The following RDX variants were observed in gnomAD, a reference collection of about 807,000 sequenced individuals.
RDX encodes deafness, autosomal recessive 24.
RDX carries 32 observed loss-of-function variants against 83.7 expected under a neutral mutation model. The ratio of observed to expected loss-of-function variants is 0.38; its 90% CI spans 0.29 to 0.51. The LOEUF is 0.51. RDX is among the 20% of genes least tolerant of loss of function. The pLI is 0.87. For synonymous variants in RDX, 229 were observed against 222.7 expected, an observed-to-expected ratio of 1.03 and a Z score of -0.25; for missense variants, 600 against 689.9, an observed-to-expected ratio of 0.87 and a Z score of 1.46.
chr11:110,282,896 G>A (rs1042978422), intron 1 of RDX, among the ~76,000 whole-genome samples: 1 of 152,146 alleles, frequency 6.6e-6, no homozygotes, highest in East Asian at 1.9e-4. Flanking sequence ...AAGATCACTT[G>A]AGCCCAGAAG....
chr11:110,224,991 C>T (rs1421365576), downstream of RDX, among the ~76,000 whole-genome samples: 1 of 152,176 alleles, frequency 6.6e-6, no homozygotes, highest in Non-Finnish European at 1.5e-5. Flanking sequence ...CAAATTAAAA[C>T]ATCTAAACAT....
intron 15 of RDX, among the ~76,000 whole-genome samples, chr11:110,186,025 A>C (rs1000980657): frequency 6.6e-6 from 1 of 152,154 alleles, no homozygotes; most frequent in African/African-American, 2.4e-5. Context: ...TGCATTTCCT[A>C]AGTATTAGTG....
At chr11:110,253,577 A>G (rs1246323195) in intron 9 of RDX, among the ~76,000 whole-genome samples, 1 of 152,188 alleles carries the variant, frequency 6.6e-6, no homozygotes, top group Non-Finnish European at 1.5e-5. Flanking sequence ...TGTGTTCTAC[A>G]ATGTCACTGA....
intron 15 of RDX, among the ~76,000 whole-genome samples, chr11:110,190,783 C>T (rs1443803382): frequency 6.6e-6 from 1 of 152,160 alleles, no homozygotes; most frequent in Non-Finnish European, 1.5e-5. Context: ...CACAGAAATA[C>T]AAAAGATCTT....
rs757847253 is a variant in RDX at position 110,272,527 on chromosome 11, G to A, written c.96+9C>T. ...TGTCAAAAGTTGCATATTTCATGCAGTGTAATACCTGGTCAAAAAGTTGTT... is the reference window on the plus strand; with the variant it reads ...TGTCAAAAGTTGCATATTTCATGCAATGTAATACCTGGTCAAAAAGTTGTT... On this transcript the variant is annotated intron_variant, in intron 3 of 13. Transcript: ENST00000645495. 6.3e-7 allele frequency: 1 copy of A among 1,584,640 alleles called. No homozygotes were observed. The highest frequency in any genetic ancestry group is 2.2e-5 in the East Asian group (1 of 44,670).
intron 9 of RDX, among the ~76,000 whole-genome samples, chr11:110,249,991 A>AGGG (rs1179087545): frequency 1.3e-5 from 2 of 152,350 alleles, no homozygotes; most frequent in Non-Finnish European, 2.9e-5. Context: ...AGGAAGAGCC[A>AGGG]GTAACTATTC....
chr11:110,215,285 C>G (rs1006259007), intron 14 of RDX, among the ~76,000 whole-genome samples: 2 of 150,168 alleles, frequency 1.3e-5, no homozygotes, highest in African/African-American at 4.9e-5. Flanking sequence ...ATGGCATGAA[C>G]CCGGGAGGCA....
intron 12 of RDX, 149 bp from the exon 13 acceptor site, chr11:110,233,628 T>C: frequency 1.3e-6 from 1 of 787,812 alleles, no homozygotes; most frequent in Non-Finnish European, 2.0e-6. Context: ...TAAAAGAATG[T>C]CAACAGGTAA....
chr11:110,190,368 C>A (rs1863080089), intron 15 of RDX, among the ~76,000 whole-genome samples: 1 of 152,152 alleles, frequency 6.6e-6, no homozygotes, highest in African/African-American at 2.4e-5. Context: ...ACCCGGGAAG[C>A]AGAGGCTGCA....
rs1476884038 is a variant in RDX, at chr11:110,238,069, AC to A, written c.1091-418del. ...CCATCTGAAGTTTTGACCTCAGTAA[AC>A]AAATTGCCATGTTTCAGAAATCTAT... On this transcript the variant is annotated intron_variant, in intron 10 of 13. Coordinates refer to ENST00000645495, the MANE Select transcript of RDX (RefSeq NM_002906.4). 1.3e-4 allele frequency among the ~76,000 whole-genome samples: 20 copies of A among 152,352 alleles called. No homozygotes were observed. The East Asian group carries it at 3.5e-3, about 26-fold the overall frequency.
intron 1 of RDX, among the ~76,000 whole-genome samples, chr11:110,279,991 T>C (rs1275869857): frequency 6.6e-6 from 1 of 152,142 alleles, no homozygotes; most frequent in Non-Finnish European, 1.5e-5. Context: ...AACACACTGA[T>C]CTAACCAGAA....
chr11:110,225,341 C>T (rs886168531), downstream of RDX, among the ~76,000 whole-genome samples: 1 of 152,096 alleles, frequency 6.6e-6, no homozygotes, highest in African/African-American at 2.4e-5. Flanking sequence ...GAACTCATAT[C>T]CGAAAAGGAA....
At chr11:110,204,500 CTTTTTTTTT>C (rs796373402) in intron 14 of RDX, among the ~76,000 whole-genome samples, 1 of 120,928 alleles carries the variant, frequency 8.3e-6, no homozygotes, top group African/African-American at 3.0e-5. Flanking sequence ...ACTTTTCTTT[CTTTTTTTTT>C]TTTCCTTTTT....
chr11:110,222,851 T>A (rs1024581844), intron 14 of RDX, among the ~76,000 whole-genome samples: 1 of 152,172 alleles, frequency 6.6e-6, no homozygotes, highest in African/African-American at 2.4e-5. Context: ...ATATTGTACC[T>A]ATCAACAAAA....
rs572709740 is a variant in RDX, at chr11:110,234,072, T to C, written c.1345-593A>G. Among the ~76,000 whole-genome samples the C allele has an allele frequency of 6.6e-5, 10 of 152,324 alleles. 1 individual carries two copies. Among genetic ancestry groups the C allele is most frequent in the African/African-American group, 2.4e-4 (10 of 41,574 alleles). On this transcript the variant is annotated intron_variant, in intron 12 of 13. Coordinates refer to ENST00000645495, the MANE Select transcript of RDX (RefSeq NM_002906.4). ...CTGTTACACTGTTGTCCTGGTGTAATTATGAACAATACCCCCTTTTTCTCA... is the reference window on the plus strand; with the variant it reads ...CTGTTACACTGTTGTCCTGGTGTAACTATGAACAATACCCCCTTTTTCTCA...
At chr11:110,256,032 C>T (rs1406894331) in intron 7 of RDX, among the ~76,000 whole-genome samples, 1 of 152,108 alleles carries the variant, frequency 6.6e-6, no homozygotes, top group Non-Finnish European at 1.5e-5. Context: ...CTCCGTTTTA[C>T]CACCCTACAC....
intron 5 of RDX, among the ~76,000 whole-genome samples, chr11:110,259,004 T>G (rs774352150): frequency 6.6e-6 from 1 of 151,874 alleles, no homozygotes; most frequent in Admixed American, 6.6e-5. Context: ...CCCAAGTAGC[T>G]GGGATTATAG....
rs1366301945 is a variant in RDX, at chr11:110,175,465, C to G, written c.*32-231G>C. Among the ~76,000 whole-genome samples, 5 of 152,352 alleles carry G rather than the reference C, an allele frequency of 3.3e-5. No homozygotes were observed. The South Asian group carries it at 1.0e-3, about 32-fold the overall frequency. ...AGGAAAGTTTAATTAGGTAGCCAAA[C>G]AGATTCCCTTCCTAGTTCCCCAGGA... On this transcript the variant is annotated intron_variant, in intron 15 of 15. Transcript: ENST00000528498.
intron 14 of RDX, among the ~76,000 whole-genome samples, chr11:110,214,981 T>TA (rs1166872840): frequency 3.5e-5 from 4 of 114,196 alleles, no homozygotes; most frequent in Admixed American, 2.8e-4. Context: ...CCCTAAAACT[T>TA]AAAGTATAAT....
Sources: allele counts gnomAD v4.1 joint callset (sites outside exome capture counted in the v4.1 genomes callset), GRCh38; gene constraint gnomAD v4.1.1; transcripts MANE v1.5; gene names NCBI Gene and HGNC (gene_info 2026-07-23, HGNC 2026-07-21).